The following CTNNA3 variants were observed in gnomAD, a reference collection of about 807,000 sequenced individuals.
CTNNA3 encodes catenin alpha 3, also known as catenin alpha-3.
Under a neutral mutation model 95.7 loss-of-function variants are expected in CTNNA3, and 76 were observed. The ratio of observed to expected loss-of-function variants is 0.79; its 90% CI spans 0.66 to 0.96. CTNNA3 has a LOEUF of 0.96. Among genes scored for constraint, CTNNA3 ranks in the 40% least tolerant of loss-of-function variants. The probability of loss-of-function intolerance (pLI) is 0.00; values close to 1 mark genes in which losing one functional copy is unlikely to be tolerated. For synonymous variants in CTNNA3, 431 were observed against 374.4 expected (o/e 1.15, Z -1.74); for missense variants, 1,191 against 1,089.8 (o/e 1.09, Z -1.31).
intron 5 of CTNNA3, among the ~76,000 whole-genome samples, chr10:67,279,542 AG>A (rs561560886): frequency 2.6e-5 from 4 of 151,272 alleles, no homozygotes; most frequent in African/African-American, 7.3e-5. Flanking sequence ...ATAGGGTAAT[AG>A]TCAATTAGGT....
chr10:66,019,925 A>G (rs1358713509), intron 15 of CTNNA3, among the ~76,000 whole-genome samples: 1 of 152,206 alleles, frequency 6.6e-6, no homozygotes, highest in Non-Finnish European at 1.5e-5. Context: ...ACAATATTAC[A>G]TTCAGTATAG....
At chr10:66,622,663 T>C (rs1438845663) in intron 9 of CTNNA3, among the ~76,000 whole-genome samples, 2 of 152,178 alleles carry the variant, frequency 1.3e-5, no homozygotes, top group African/African-American at 4.8e-5. Flanking sequence ...TTACTTTATC[T>C]AACAGTAATT....
chr10:67,191,847 A>G (rs1360062967), intron 6 of CTNNA3, among the ~76,000 whole-genome samples: 1 of 152,010 alleles, frequency 6.6e-6, no homozygotes, highest in East Asian at 1.9e-4. Flanking sequence ...AAAGTACATT[A>G]CAAAGCTATA....
chr10:66,092,976 T>C (rs969593713), intron 14 of CTNNA3, among the ~76,000 whole-genome samples: 4 of 151,952 alleles, frequency 2.6e-5, no homozygotes, highest in Admixed American at 1.3e-4. Flanking sequence ...AGATTAGCTA[T>C]TGAATATTAA....
chr10:66,882,266 A>C (rs1256845576), intron 7 of CTNNA3, among the ~76,000 whole-genome samples: 1 of 152,110 alleles, frequency 6.6e-6, no homozygotes, highest in Non-Finnish European at 1.5e-5. Context: ...GTGGTCATGG[A>C]AACTATTTGT....
intron 14 of CTNNA3, among the ~76,000 whole-genome samples, chr10:66,091,223 T>C (rs1015759755): frequency 7.9e-5 from 12 of 151,938 alleles, no homozygotes; most frequent in Non-Finnish European, 1.6e-4. Context: ...CCTTTAAACC[T>C]ACAAAGAGAA....
At chr10:65,927,114 G>A (rs1365198588) in intron 17 of CTNNA3, among the ~76,000 whole-genome samples, 2 of 151,806 alleles carry the variant, frequency 1.3e-5, no homozygotes, top group Non-Finnish European at 2.9e-5. Flanking sequence ...GAGCATACAA[G>A]GTATTTTTGA....
At position 66,178,437 on chromosome 10, in the gene CTNNA3, A is replaced by G. The variant is rs1269116391; in HGVS notation, c.1885-75188T>C. Among the ~76,000 whole-genome samples, 49 of 115,166 alleles carry G rather than the reference A, an allele frequency of 4.3e-4. No individual in the cohort carries two copies. The East Asian group carries it at 0.01, about 24-fold the overall frequency. The allele number at this position is 115,166 out of a possible 152,430, so 75.6% of individuals were successfully genotyped here. On this transcript the variant is annotated intron_variant, in intron 13 of 17. Transcript: ENST00000433211. ...TATATATATATATATATATATATATATATATACACACACAGATATAGAAAG... is the reference window on the plus strand; with the variant it reads ...TATATATATATATATATATATATATGTATATACACACACAGATATAGAAAG...
chr10:67,742,029 GA>G (rs1841342881), intron 1 of CTNNA3, among the ~76,000 whole-genome samples: 1 of 151,066 alleles, frequency 6.6e-6, no homozygotes, highest in African/African-American at 2.4e-5. Flanking sequence ...GACCTACAAA[GA>G]GACTTAGATT....
intron 15 of CTNNA3, among the ~76,000 whole-genome samples, chr10:66,024,085 A>AGTTTTTTTTTTTTTTTTTT (rs2079282708): frequency 1.1e-5 from 1 of 87,750 alleles, no homozygotes; most frequent in African/African-American, 4.3e-5. Context: ...TACCATACAC[A>AGTTTTTTTTTTTTTTTTTT]TTTTTTTTTT....
intron 17 of CTNNA3, among the ~76,000 whole-genome samples, chr10:65,954,000 C>G (rs1313966299): frequency 4.6e-5 from 7 of 152,190 alleles, no homozygotes; most frequent in Non-Finnish European, 5.9e-5. Context: ...ACAGTCCCAC[C>G]ACCAGTGTAA....
intron 12 of CTNNA3, among the ~76,000 whole-genome samples, chr10:66,330,745 T>G (rs1429810414): frequency 6.6e-6 from 1 of 152,120 alleles, no homozygotes; most frequent in African/African-American, 2.4e-5. Context: ...GTTTCCTGAC[T>G]TTTTAATGAT....
intron 2 of CTNNA3, among the ~76,000 whole-genome samples, chr10:67,607,581 A>G (rs887015873): frequency 6.6e-6 from 1 of 152,240 alleles, no homozygotes; most frequent in African/African-American, 2.4e-5. Context: ...TGTAACTTTT[A>G]TTGAAAAAAA....
At chr10:67,736,960 T>C (rs1488751158) in intron 1 of CTNNA3, among the ~76,000 whole-genome samples, 2 of 152,044 alleles carry the variant, frequency 1.3e-5, no homozygotes, top group Non-Finnish European at 2.9e-5. Context: ...AAGTACCTTT[T>C]TATTTTAATT....
rs563761933 is a variant in CTNNA3 at position 66,529,008 on chromosome 10, A to G, written c.1375-8235T>C. On this transcript the variant is annotated intron_variant, in intron 10 of 17. Transcript: ENST00000433211. Reference sequence around the variant, plus strand: ...ATTTTGATATTTGACAGCATTTTAAAATTAGTATCTAGTTGGTTTTTGTTT... The same window carrying G: ...ATTTTGATATTTGACAGCATTTTAAGATTAGTATCTAGTTGGTTTTTGTTT... Among the ~76,000 whole-genome samples the G allele has an allele frequency of 2.0e-5, 3 of 152,196 alleles. No individual in the cohort carries two copies. In the East Asian group the frequency reaches 5.8e-4, roughly 29 times the overall value.
chr10:66,642,500 T>G (rs1382532626), intron 9 of CTNNA3, among the ~76,000 whole-genome samples: 1 of 152,150 alleles, frequency 6.6e-6, no homozygotes, highest in Non-Finnish European at 1.5e-5. Flanking sequence ...CACTTTTCAA[T>G]TTGATACAAT....
chr10:66,322,110 C>T (rs1021999854), intron 12 of CTNNA3, among the ~76,000 whole-genome samples: 8 of 152,098 alleles, frequency 5.3e-5, no homozygotes, highest in African/African-American at 1.9e-4. Context: ...GATTTCGAAT[C>T]TTTTTCTAAG....
intron 7 of CTNNA3, among the ~76,000 whole-genome samples, chr10:67,078,418 TGA>T (rs1856848951): frequency 6.6e-6 from 1 of 152,174 alleles, no homozygotes; most frequent in Admixed American, 6.5e-5. Flanking sequence ...GAAAAATATT[TGA>T]GAGAGGGACC....
At chr10:66,301,562 G>T (rs751831530) in intron 12 of CTNNA3, among the ~76,000 whole-genome samples, 1 of 151,754 alleles carries the variant, frequency 6.6e-6, no homozygotes, top group Non-Finnish European at 1.5e-5. Context: ...ATGTAAACCT[G>T]ATTCAGCCTT....
Sources: allele counts gnomAD v4.1 joint callset (sites outside exome capture counted in the v4.1 genomes callset), GRCh38; gene constraint gnomAD v4.1.1; transcripts MANE v1.5; gene names NCBI Gene and HGNC (gene_info 2026-07-23, HGNC 2026-07-21).